RPS6KA2: variants seen among roughly 807,000 people sequenced by gnomAD.
RPS6KA2 encodes the protein ribosomal protein S6 kinase alpha-2.
In RPS6KA2, 42 loss-of-function variants were observed where a neutral mutation model predicts 91.8. The observed-to-expected ratio is 0.46, with a 90% CI of 0.36 to 0.59. RPS6KA2 has a LOEUF of 0.59. RPS6KA2 is among the 20% of genes least tolerant of loss of function. The pLI is 0.00. For missense variants in RPS6KA2, 798 were observed against 978.5 expected (o/e 0.82, Z 2.46); for synonymous variants, 414 against 393.6 (o/e 1.05, Z -0.61).
chr6:166,779,873 C>G (rs1319268187), intron 2 of RPS6KA2, among the ~76,000 whole-genome samples: 1 of 152,136 alleles, frequency 6.6e-6, no homozygotes, highest in Non-Finnish European at 1.5e-5. Flanking sequence ...CACCAAGTCC[C>G]TCAGCTCGCT....
chr6:166,716,576 G>A (rs749281523), intron 2 of RPS6KA2, among the ~76,000 whole-genome samples: 1 of 152,160 alleles, frequency 6.6e-6, no homozygotes, highest in Non-Finnish European at 1.5e-5. Context: ...GTCTGCTGGC[G>A]ACCAAAACGT....
chr6:166,814,997 C>T (rs1404333203), intron 2 of RPS6KA2, among the ~76,000 whole-genome samples: 2 of 152,184 alleles, frequency 1.3e-5, no homozygotes, highest in Non-Finnish European at 2.9e-5. Flanking sequence ...AAACTGTCAT[C>T]CACAAAATTT....
intron 1 of RPS6KA2, among the ~76,000 whole-genome samples, chr6:166,613,018 G>A (rs1416548450): frequency 1.3e-5 from 2 of 152,198 alleles, no homozygotes; most frequent in Non-Finnish European, 2.9e-5. Context: ...CAGAGGACAC[G>A]GAGCTATCCA....
intron 2 of RPS6KA2, among the ~76,000 whole-genome samples, chr6:166,671,852 A>G (rs552766888): frequency 6.6e-6 from 1 of 152,282 alleles, no homozygotes; most frequent in Admixed American, 6.5e-5. Flanking sequence ...CACACCAGTA[A>G]GTCAGCAGCC....
At chr6:166,684,165 C>G (rs1788930975) in intron 2 of RPS6KA2, among the ~76,000 whole-genome samples, 1 of 152,088 alleles carries the variant, frequency 6.6e-6, no homozygotes, top group Admixed American at 6.5e-5. Flanking sequence ...GATACTGGAC[C>G]AAACTGAGAC....
At chr6:166,862,446 C>G in exon 1 of RPS6KA2, 3 of 1,213,724 alleles carry the variant, frequency 2.5e-6, no homozygotes, top group Non-Finnish European at 3.2e-6. Context: ...GAGCTGCTGC[C>G]GCTTCCCGCT....
intron 2 of RPS6KA2, among the ~76,000 whole-genome samples, chr6:166,535,148 A>G (rs201988665): frequency 1.3e-5 from 2 of 152,146 alleles, no homozygotes; most frequent in African/African-American, 4.8e-5. Context: ...CATTTTTAGA[A>G]CTGCCTCTCC....
chr6:166,450,393 C>T (rs561929650), intron 13 of RPS6KA2, among the ~76,000 whole-genome samples: 1 of 140,882 alleles, frequency 7.1e-6, no homozygotes, highest in South Asian at 2.3e-4. Context: ...GGGACCACCA[C>T]AGGAGATCAC....
intron 2 of RPS6KA2, among the ~76,000 whole-genome samples, chr6:166,777,310 G>C (rs1030561239): frequency 8.5e-5 from 13 of 152,236 alleles, no homozygotes; most frequent in African/African-American, 3.1e-4. Flanking sequence ...AATTCATAAT[G>C]ACAAGGGTGG....
intron 2 of RPS6KA2, among the ~76,000 whole-genome samples, chr6:166,819,776 T>C (rs1204246712): frequency 2.0e-5 from 3 of 152,206 alleles, no homozygotes; most frequent in Non-Finnish European, 2.9e-5. Context: ...AGCACTTAGG[T>C]TGTTTTCAAT....
intron 17 of RPS6KA2, among the ~76,000 whole-genome samples, chr6:166,422,948 C>G (rs563035604): frequency 2.0e-5 from 3 of 152,236 alleles, no homozygotes; most frequent in Non-Finnish European, 4.4e-5. Flanking sequence ...ACTGCATCAT[C>G]TCTCTAACTT....
intron 2 of RPS6KA2, among the ~76,000 whole-genome samples, chr6:166,802,944 G>GTATA (rs201882418): frequency 1.5e-3 from 198 of 133,800 alleles, no homozygotes; most frequent in Middle Eastern, 3.9e-3. Flanking sequence ...GTGTGTGTGT[G>GTATA]TATATATATA....
chr6:166,731,714 C>CAT (rs146002141), intron 2 of RPS6KA2, among the ~76,000 whole-genome samples: 12,338 of 151,808 alleles, frequency 0.081, 1,662 homozygotes, highest in African/African-American at 0.28. Flanking sequence ...TGAGGTTAGC[C>CAT]GCAATGCTTC....
At chr6:166,672,265 T>C (rs1721553068) in intron 2 of RPS6KA2, among the ~76,000 whole-genome samples, 1 of 152,126 alleles carries the variant, frequency 6.6e-6, no homozygotes, top group South Asian at 2.1e-4. Context: ...CACTGAGTGC[T>C]GCATACCTCC....
chr6:166,747,919 T>G (rs928469473), intron 2 of RPS6KA2, among the ~76,000 whole-genome samples: 2 of 152,178 alleles, frequency 1.3e-5, no homozygotes, highest in Non-Finnish European at 2.9e-5. Flanking sequence ...GCAGCGGCTG[T>G]GTACGGACAC....
At chr6:166,854,924 A>G (rs76177040) in intron 2 of RPS6KA2, among the ~76,000 whole-genome samples, 3,311 of 152,362 alleles carry the variant, frequency 0.022, 140 homozygotes, top group African/African-American at 0.073. Context: ...TCACAATAGC[A>G]TAGCCATGGA....
chr6:166,717,104 C>T (rs998377347), intron 2 of RPS6KA2, among the ~76,000 whole-genome samples: 3 of 152,228 alleles, frequency 2.0e-5, no homozygotes, highest in East Asian at 1.9e-4. Flanking sequence ...GGAGGCCACG[C>T]GCTCACCTCT....
At chr6:166,651,186 T>G (rs1787844030) in intron 2 of RPS6KA2, among the ~76,000 whole-genome samples, 1 of 152,222 alleles carries the variant, frequency 6.6e-6, no homozygotes, top group Non-Finnish European at 1.5e-5. Flanking sequence ...CTACTTTATC[T>G]CATACTTATA....
intron 2 of RPS6KA2, among the ~76,000 whole-genome samples, chr6:166,837,664 G>A (rs575714481): frequency 1.3e-5 from 2 of 152,166 alleles, no homozygotes; most frequent in African/African-American, 4.8e-5. Flanking sequence ...TCACCTCTGT[G>A]GGGGTGGCTG....
Sources: allele counts gnomAD v4.1 joint callset (sites outside exome capture counted in the v4.1 genomes callset), GRCh38; gene constraint gnomAD v4.1.1; transcripts MANE v1.5; gene names NCBI Gene and HGNC (gene_info 2026-07-23, HGNC 2026-07-21).